The following DGKI variants were observed in gnomAD, a reference collection of about 807,000 sequenced individuals.
DGKI encodes the protein diacylglycerol kinase iota.
A neutral mutation model predicts 147.5 loss-of-function variants in DGKI; 55 were observed. That is an observed-to-expected ratio of 0.37 (90% CI 0.30 to 0.47). The LOEUF (loss-of-function observed/expected upper bound fraction) is 0.47. DGKI is among the 20% of genes least tolerant of loss of function. DGKI has a pLI of 1.00. For missense variants in DGKI, 1,007 were observed against 1,323.8 expected, an observed-to-expected ratio of 0.76 and a Z score of 3.71; for synonymous variants, 469 against 477.1, an observed-to-expected ratio of 0.98 and a Z score of 0.22.
chr7:137,689,592 C>T (rs947232423), intron 2 of DGKI, among the ~76,000 whole-genome samples: 1 of 152,194 alleles, frequency 6.6e-6, no homozygotes, highest in Non-Finnish European at 1.5e-5. Context: ...CTCAATTCAT[C>T]GTCAACTTGG....
Position 137,388,745 on chromosome 7 carries a change from CT to C in DGKI, c.*2474del, listed in dbSNP as rs1811255871. The C allele has an allele frequency of 6.6e-6, 1 of 150,886 alleles. No homozygotes were observed. Among genetic ancestry groups the C allele is most frequent in the Admixed American group, 6.6e-5 (1 of 15,138 alleles). The allele number at this position is 150,886 out of a possible 1,614,324, so 9.3% of individuals were successfully genotyped here. ...AAATCCCAAGTCCTAGTGGTACTTG[CT>C]TTTTTCAAAGCGATATATCAAATAT... On this transcript the variant is annotated 3_prime_UTR_variant, in exon 33 of 33. Coordinates refer to ENST00000614521, the MANE Select transcript of DGKI (RefSeq NM_001321708.2).
At chr7:137,628,553 C>A (rs1228939724) in intron 6 of DGKI, among the ~76,000 whole-genome samples, 1 of 152,118 alleles carries the variant, frequency 6.6e-6, no homozygotes, top group East Asian at 1.9e-4. Context: ...TAAATGTTGG[C>A]CCAAATCTGC....
At chr7:137,573,069 T>C (rs1298141922) in intron 17 of DGKI, among the ~76,000 whole-genome samples, 2 of 152,190 alleles carry the variant, frequency 1.3e-5, no homozygotes, top group Non-Finnish European at 1.5e-5. Context: ...AAAACCTCCA[T>C]TTGATTAAAA....
At chr7:137,527,444 A>T (rs2128955472) in intron 20 of DGKI, among the ~76,000 whole-genome samples, 1 of 152,320 alleles carries the variant, frequency 6.6e-6, no homozygotes, top group East Asian at 1.9e-4. Context: ...GTCGCTATCC[A>T]CAGTCTTTTG....
At chr7:137,401,383 T>C (rs757783402) in intron 30 of DGKI, among the ~76,000 whole-genome samples, 1 of 151,392 alleles carries the variant, frequency 6.6e-6, no homozygotes, top group African/African-American at 2.4e-5. Context: ...AAAAAAAAAT[T>C]AGCTGGGCGT....
At chr7:137,573,470 T>G (rs1316706192) in intron 17 of DGKI, among the ~76,000 whole-genome samples, 1 of 152,194 alleles carries the variant, frequency 6.6e-6, no homozygotes, top group East Asian at 1.9e-4. Context: ...AATGGCGTGA[T>G]CTCAGCTCAC....
intron 23 of DGKI, among the ~76,000 whole-genome samples, chr7:137,479,540 C>T (rs953755158): frequency 2.6e-5 from 4 of 152,146 alleles, no homozygotes; most frequent in Non-Finnish European, 4.4e-5. Flanking sequence ...CATGCAATTG[C>T]TCATAGCTGA....
chr7:137,679,990 C>CAAAAAA (rs768437551), intron 2 of DGKI, among the ~76,000 whole-genome samples: 1 of 54,064 alleles, frequency 1.8e-5, no homozygotes, highest in Admixed American at 2.0e-4. Flanking sequence ...GACTCCATCT[C>CAAAAAA]AAAAAAAAAA....
chr7:137,823,596 C>T (rs1797969590), intron 1 of DGKI, among the ~76,000 whole-genome samples: 1 of 152,182 alleles, frequency 6.6e-6, no homozygotes, highest in African/African-American at 2.4e-5. Context: ...TTTGTTCCAT[C>T]AGACAAGGCA....
chr7:137,382,989 G>A lies in DGKI; in HGVS notation c.*8231C>T, dbSNP rs1811094112. The A allele has an allele frequency of 6.6e-6, 1 of 151,850 alleles. No homozygotes were observed. The highest frequency in any genetic ancestry group is 2.4e-5 in the African/African-American group (1 of 41,386). The allele number at this position is 151,850 out of a possible 1,614,324, so 9.4% of individuals were successfully genotyped here. Reference sequence around the variant, plus strand: ...GTCTACTGATATGGGGTTAAGTCTTGTTTCATGACACAAAGTTATAGAAAG... The same window carrying A: ...GTCTACTGATATGGGGTTAAGTCTTATTTCATGACACAAAGTTATAGAAAG... On this transcript the variant is annotated 3_prime_UTR_variant, in exon 33 of 33. Transcript: ENST00000614521.
chr7:137,693,468 TACA>T (rs1472405478), intron 1 of DGKI, among the ~76,000 whole-genome samples: 4 of 152,206 alleles, frequency 2.6e-5, no homozygotes, highest in Admixed American at 1.3e-4. Flanking sequence ...GTTTCAATAA[TACA>T]ACATCACAGT....
intron 6 of DGKI, among the ~76,000 whole-genome samples, chr7:137,641,806 T>C (rs1396955576): frequency 6.6e-6 from 1 of 152,256 alleles, no homozygotes; most frequent in Non-Finnish European, 1.5e-5. Flanking sequence ...TTTATAACTT[T>C]TACATATGAA....
intron 28 of DGKI, among the ~76,000 whole-genome samples, chr7:137,425,035 A>G (rs1812735362): frequency 4.2e-3 from 1 of 236 alleles, no homozygotes; most frequent in Admixed American, 0.062. Context: ...TGAAGAGAGC[A>G]GTGGTTCTCC....
intron 1 of DGKI, among the ~76,000 whole-genome samples, chr7:137,705,034 T>C (rs1281249491): frequency 1.3e-5 from 2 of 152,184 alleles, no homozygotes; most frequent in African/African-American, 4.8e-5. Context: ...TTTAGCTATC[T>C]GGGTAATGTA....
At chr7:137,820,256 A>G (rs573955381) in intron 1 of DGKI, among the ~76,000 whole-genome samples, 9 of 152,362 alleles carry the variant, frequency 5.9e-5, no homozygotes, top group Middle Eastern at 3.4e-3. Flanking sequence ...TGAATCTCAC[A>G]GCAGGAGGCC....
At chr7:137,629,457 G>T (rs1821054714) in intron 6 of DGKI, among the ~76,000 whole-genome samples, 1 of 152,144 alleles carries the variant, frequency 6.6e-6, no homozygotes, top group Non-Finnish European at 1.5e-5. Context: ...CAAACTGGTT[G>T]TGGTGTTTCA....
chr7:137,504,441 G>GTTT (rs1816294804), intron 21 of DGKI, among the ~76,000 whole-genome samples: 2 of 152,138 alleles, frequency 1.3e-5, no homozygotes, highest in African/African-American at 4.8e-5. Context: ...TGGGCTTTAA[G>GTTT]TTTTAAATAT....
chr7:137,792,492 C>A (rs1283381863), intron 1 of DGKI, among the ~76,000 whole-genome samples: 4 of 152,172 alleles, frequency 2.6e-5, no homozygotes, highest in African/African-American at 9.7e-5. Flanking sequence ...TCGATAGCAC[C>A]AGGAGGTTCT....
chr7:137,533,466 C>T (rs1817411280), intron 20 of DGKI, among the ~76,000 whole-genome samples: 2 of 152,078 alleles, frequency 1.3e-5, no homozygotes, highest in Non-Finnish European at 2.9e-5. Flanking sequence ...AGTGCCTTTG[C>T]TTGTTCCATT....
Sources: allele counts gnomAD v4.1 joint callset (sites outside exome capture counted in the v4.1 genomes callset), GRCh38; gene constraint gnomAD v4.1.1; transcripts MANE v1.5; gene names NCBI Gene and HGNC (gene_info 2026-07-23, HGNC 2026-07-21).